Variants in KATNIP observed in about 807,000 individuals in gnomAD.
KATNIP encodes katanin interacting protein, also known as katanin-interacting protein.
KATNIP carries 126 observed loss-of-function variants against 174.0 expected under a neutral mutation model. The ratio of observed to expected loss-of-function variants is 0.72; its 90% confidence interval spans 0.63 to 0.84. The LOEUF is 0.84. Among genes scored for constraint, KATNIP ranks in the 40% least tolerant of loss-of-function variants. KATNIP has a pLI of 0.00. For missense variants in KATNIP, 1,958 were observed against 2,109.7 expected, an observed-to-expected ratio of 0.93 and a Z score of 1.41; for synonymous variants, 810 against 835.7, an observed-to-expected ratio of 0.97 and a Z score of 0.53.
intron 2 of KATNIP, among the ~76,000 whole-genome samples, chr16:27,594,116 C>T (rs1045621441): frequency 1.3e-5 from 2 of 151,858 alleles, no homozygotes; most frequent in African/African-American, 2.4e-5. Flanking sequence ...AAAAATTAAC[C>T]GGGCGTGGTG....
intron 1 of KATNIP, among the ~76,000 whole-genome samples, chr16:27,560,582 G>A (rs962126858): frequency 4.6e-5 from 7 of 152,146 alleles, no homozygotes; most frequent in Non-Finnish European, 8.8e-5. Flanking sequence ...GGAGTACACC[G>A]TCTTCTTTCG....
chr16:27,669,991 A>G (rs781031458), intron 6 of KATNIP, among the ~76,000 whole-genome samples: 2 of 152,164 alleles, frequency 1.3e-5, no homozygotes, highest in Non-Finnish European at 2.9e-5. Flanking sequence ...CCTGGCCTAT[A>G]TATATTTTGC....
chr16:27,584,509 C>T (rs1276682329), intron 2 of KATNIP, among the ~76,000 whole-genome samples: 1 of 152,062 alleles, frequency 6.6e-6, no homozygotes, highest in Non-Finnish European at 1.5e-5. Context: ...AAATTATATT[C>T]AAAGCCGTGC....
intron 12 of KATNIP, 123 bp downstream of exon 12, chr16:27,704,121 C>G (rs1227814070): frequency 1.4e-6 from 1 of 711,768 alleles, no homozygotes; most frequent in Admixed American, 2.3e-5. Context: ...GTGTTTCCAC[C>G]GCCCCCCCCC....
intron 22 of KATNIP, among the ~76,000 whole-genome samples, 164 bp downstream of exon 22, chr16:27,771,816 C>T (rs1403553070): frequency 2.0e-5 from 3 of 152,176 alleles, no homozygotes; most frequent in Admixed American, 2.0e-4. Context: ...CTCAGGGCCA[C>T]TAGGAGCTGC....
In KATNIP at chr16:27,598,197, C is replaced by T. The variant is rs566094503; in HGVS notation, c.64-20228C>T. On this transcript the variant is annotated intron_variant, in intron 2 of 27. Coordinates refer to ENST00000261588, the MANE Select transcript of KATNIP (RefSeq NM_015202.5). ...TGGAGGTTGCAGCAAACTGAGAATG[C>T]GCCACCATTGCACTGCAGCCTGGGC... Among the ~76,000 whole-genome samples, 13 of 151,566 alleles carry T rather than the reference C, an allele frequency of 8.6e-5. No individual in the cohort carries two copies. The East Asian group carries it at 1.9e-3, about 23-fold the overall frequency.
At chr16:27,753,426 C>T (rs2081593352) in intron 17 of KATNIP, among the ~76,000 whole-genome samples, 2 of 151,964 alleles carry the variant, frequency 1.3e-5, no homozygotes. Context: ...TCTGATGGGC[C>T]CAGCGCTGTG....
At position 27,608,653 on chromosome 16, in the gene KATNIP, G is replaced by C. The variant is rs534330901; in HGVS notation, c.64-9772G>C. ...CCACCTCAGCCTCCCAAGTAGCTGG[G>C]ACTACAGCCTCACACTACCACACCC... On this transcript the variant is annotated intron_variant, in intron 2 of 27. Coordinates refer to ENST00000261588, the MANE Select transcript of KATNIP (RefSeq NM_015202.5). Among the ~76,000 whole-genome samples, 569 of 152,170 alleles carry C rather than the reference G, an allele frequency of 3.7e-3. 1 individual carries two copies. The highest frequency in any genetic ancestry group is 0.017 in the Middle Eastern group (5 of 294).
In KATNIP at chr16:27,552,405, C is replaced by T. The variant is rs2089420596; in HGVS notation, c.7+2228C>T. Among the ~76,000 whole-genome samples, 5 of 143,980 alleles carry T rather than the reference C, an allele frequency of 3.5e-5. No homozygotes were observed. The Admixed American group carries it at 3.6e-4, about 10-fold the overall frequency. The allele number at this position is 143,980 out of a possible 152,430, so 94.5% of individuals were successfully genotyped here. A position where few individuals can be genotyped will look rare whatever the true frequency, so the allele number is the denominator to read the frequency against. ...TTTTTTTTTTTTTTTGAGAAAAAGT[C>T]TCACTGTCGCCCAGGCTGGAGTGCA... is the stretch of plus-strand genomic sequence containing the variant. On this transcript the variant is annotated intron_variant, in intron 1 of 27. Coordinates refer to ENST00000261588, the MANE Select transcript of KATNIP (RefSeq NM_015202.5).
At chr16:27,612,495 C>A (rs965766111) in intron 2 of KATNIP, among the ~76,000 whole-genome samples, 1 of 152,016 alleles carries the variant, frequency 6.6e-6, no homozygotes, top group Non-Finnish European at 1.5e-5. Flanking sequence ...TGGTGGCTCA[C>A]GCTTGTAATC....
In KATNIP at chr16:27,750,121, G is replaced by A. The variant is rs765345877; in HGVS notation, c.3161G>A (p.Arg1054Gln). The change falls in exon 16 of 28, where the codon CGG (arginine) becomes CAG (glutamine). Residue 1054 changes from arginine (R) to glutamine (Q), a missense_variant. Physicochemically the swap from Arg to Gln is conservative, Grantham distance 43 (BLOSUM62 1). Around this residue, in one of 3 missense-constraint regions of KATNIP, gnomAD observed 1,557 missense variants for 1,617.8 expected, o/e 0.96. Transcript: ENST00000261588. The stretch of plus-strand genomic sequence containing the variant: ...CATGTCTGGCTGGCCCCCTTCACGC[G>A]GGGCAGATCCCACTCCATCACCATT... ...DMHVWLAPFT[R>Q]GRSHSITIDF... is the part of the protein sequence containing the mutation. 1.4e-5 allele frequency: 23 copies of A among 1,614,096 alleles called. No homozygotes were observed. The highest frequency in any genetic ancestry group is 3.3e-5 in the South Asian group (3 of 91,064).
chr16:27,753,443 TG>T (rs950668858), intron 17 of KATNIP, among the ~76,000 whole-genome samples: 3 of 152,078 alleles, frequency 2.0e-5, no homozygotes, highest in Non-Finnish European at 4.4e-5. Context: ...TGTGAGGGGC[TG>T]GGGGGATCAC....
At chr16:27,592,447 T>C (rs2075206119) in intron 2 of KATNIP, among the ~76,000 whole-genome samples, 1 of 151,738 alleles carries the variant, frequency 6.6e-6, no homozygotes, top group African/African-American at 2.4e-5. Flanking sequence ...TAAAGCCCTG[T>C]CTCTACAAAA....
chr16:27,769,824 G>A (rs1194811354), intron 20 of KATNIP, 37 bp from the exon 21 acceptor site: 1 of 1,604,390 alleles, frequency 6.2e-7, no homozygotes, highest in Non-Finnish European at 8.5e-7. Context: ...CACATGGCCT[G>A]CCTCCCTTCA....
intron 6 of KATNIP, among the ~76,000 whole-genome samples, chr16:27,651,096 A>G (rs1360762639): frequency 6.6e-6 from 1 of 152,156 alleles, no homozygotes; most frequent in Non-Finnish European, 1.5e-5. Flanking sequence ...TTGGTCAAGC[A>G]TTGGGCACCT....
chr16:27,632,554 C>T (rs1355111439), intron 5 of KATNIP: 2 of 447,160 alleles, frequency 4.5e-6, no homozygotes, highest in Non-Finnish European at 9.1e-6. Context: ...TCGGGAGACA[C>T]GGAAACCCTC....
chr16:27,705,443 T>C, intron 12 of KATNIP, among the ~76,000 whole-genome samples: 1 of 152,156 alleles, frequency 6.6e-6, no homozygotes, highest in East Asian at 1.9e-4. Context: ...GGCACCATCA[T>C]TGAGAGATTG....
intron 2 of KATNIP, among the ~76,000 whole-genome samples, chr16:27,591,707 C>T (rs1199795471): frequency 1.3e-5 from 2 of 152,132 alleles, no homozygotes; most frequent in African/African-American, 4.8e-5. Context: ...ATGTTAGCGC[C>T]CTTCATCTGT....
chr16:27,571,963 A>T (rs1295368447), intron 1 of KATNIP, among the ~76,000 whole-genome samples: 1 of 152,070 alleles, frequency 6.6e-6, no homozygotes, highest in Non-Finnish European at 1.5e-5. Context: ...TAACAATCAA[A>T]TCTCTTGATC....
Sources: allele counts gnomAD v4.1 joint callset (sites outside exome capture counted in the v4.1 genomes callset), GRCh38; gene constraint gnomAD v4.1.1; regional missense constraint gnomAD v4.1.1; transcripts MANE v1.5; gene names NCBI Gene and HGNC (gene_info 2026-07-23, HGNC 2026-07-21).